Variants in CCDC88A observed in about 807,000 individuals in gnomAD.
CCDC88A encodes coiled-coil and HOOK domain protein 88A.
CCDC88A carries 54 observed loss-of-function variants against 234.3 expected under a neutral mutation model. The observed-to-expected ratio is 0.23, with a 90% CI of 0.19 to 0.29. CCDC88A has a LOEUF of 0.29. Among genes scored for constraint, CCDC88A ranks in the 10% least tolerant of loss-of-function variants. The pLI is 1.00. For missense variants in CCDC88A, 1,832 were observed against 2,123.4 expected (o/e 0.86, Z 2.70); for synonymous variants, 753 against 737.8 (o/e 1.02, Z -0.33).
chr2:55,350,757 T>G (rs934886802), intron 8 of CCDC88A: 4 of 152,284 alleles, frequency 2.6e-5, no homozygotes, highest in African/African-American at 7.2e-5. Flanking sequence ...ACTCCTGGAC[T>G]CAAGTGATCC....
chr2:55,347,405 G>C (rs73938301), intron 9 of CCDC88A, among the ~76,000 whole-genome samples: 7,375 of 152,092 alleles, frequency 0.048, 314 homozygotes, highest in African/African-American at 0.12. Flanking sequence ...GCAGAGTAAA[G>C]TTTTCCAGAG....
At chr2:55,410,649 C>G (rs1680312138) in intron 2 of CCDC88A, among the ~76,000 whole-genome samples, 1 of 152,040 alleles carries the variant, frequency 6.6e-6, no homozygotes. Flanking sequence ...CTTTGGGAGG[C>G]TGAGGTGGTG....
At chr2:55,416,982 A>G (rs1292615786) in intron 2 of CCDC88A, 1 of 152,032 alleles carries the variant, frequency 6.6e-6, no homozygotes, top group Admixed American at 6.6e-5. Context: ...AAAAATCTAA[A>G]GAAACTGAGA....
intron 2 of CCDC88A, among the ~76,000 whole-genome samples, chr2:55,416,129 C>CA (rs1376502996): frequency 6.6e-6 from 1 of 151,738 alleles, no homozygotes; most frequent in Non-Finnish European, 1.5e-5. Context: ...AACTGTATTC[C>CA]ATATGTTCAA....
In CCDC88A at chr2:55,332,545, C is replaced by T. The variant is rs1685048589; in HGVS notation, c.2855+21G>A. 2 of 1,586,044 alleles carry T rather than the reference C, an allele frequency of 1.3e-6. No homozygotes were observed. Among genetic ancestry groups the T allele is most frequent in the Non-Finnish European group, 1.7e-6 (2 of 1,169,912 alleles). ...AAAAAAAAAAATTTTCAACTGTTTG[C>T]CAAGTAGACTTAGTACTCACCTGTC... On this transcript the variant is annotated intron_variant, in intron 16 of 32. Transcript: ENST00000436346. The surrounding 1 kb of genome is among the most constrained non-coding windows in gnomAD (Gnocchi z 4.5).
chr2:55,379,605 GT>G (rs1674246726), intron 3 of CCDC88A, among the ~76,000 whole-genome samples: 1 of 152,190 alleles, frequency 6.6e-6, no homozygotes, highest in Admixed American at 6.5e-5. Flanking sequence ...ACAAGTAAGT[GT>G]TTTTGGTGAT....
At chr2:55,311,496 T>A (rs1682349564) in intron 23 of CCDC88A, among the ~76,000 whole-genome samples, 1 of 152,200 alleles carries the variant, frequency 6.6e-6, no homozygotes, top group South Asian at 2.1e-4. Context: ...TACTACTTCA[T>A]GCACTCCTTG....
At chr2:55,293,171 G>C (rs1183405684) in intron 31 of CCDC88A, among the ~76,000 whole-genome samples, 1 of 152,042 alleles carries the variant, frequency 6.6e-6, no homozygotes, top group African/African-American at 2.4e-5. Flanking sequence ...ATATTTTGAA[G>C]TGTTATGGTC....
intron 2 of CCDC88A, among the ~76,000 whole-genome samples, chr2:55,414,014 C>T (rs1574532167): frequency 6.6e-6 from 1 of 151,702 alleles, no homozygotes; most frequent in African/African-American, 2.4e-5. Context: ...GGGCAGATGA[C>T]TTCTGAAGTC....
intron 17 of CCDC88A, among the ~76,000 whole-genome samples, chr2:55,325,881 AG>A (rs1296929055): frequency 6.6e-6 from 1 of 152,222 alleles, no homozygotes; most frequent in African/African-American, 2.4e-5. Flanking sequence ...TGAACTACTT[AG>A]CTCTGATGCT....
chr2:55,365,100 A>G (rs551241369), intron 5 of CCDC88A, among the ~76,000 whole-genome samples: 16 of 152,170 alleles, frequency 1.1e-4, no homozygotes, highest in Non-Finnish European at 2.2e-4. Flanking sequence ...ATCAATGCAG[A>G]AAGTTCTATA....
At position 55,334,443 on chromosome 2, in the gene CCDC88A, T is replaced by C; in HGVS notation, c.2378A>G (p.Asn793Ser). ...ESELQDLEME[N>S]QTLQKNLEEL... The stretch of plus-strand genomic sequence containing the variant: ...TTCTAGGTTTTTCTGCAATGTTTGA[T>C]TTTCCATCTCTAAGTCTTGTAGTTC... The change falls in exon 15 of 33, where the codon AAT becomes AGT. Residue 793 changes from asparagine to serine, a missense_variant. This residue lies in a region of CCDC88A where 1,282 missense variants were observed against 1,543.6 expected (regional missense o/e 0.83). Coordinates refer to ENST00000436346, the MANE Select transcript of CCDC88A (RefSeq NM_001365480.1). This position sits in a 1 kb window ranked among gnomAD's most constrained non-coding sequence, Gnocchi z 6.1. 6.3e-7 allele frequency: 1 copy of C among 1,584,104 alleles called. No individual in the cohort carries two copies. The highest frequency in any genetic ancestry group is 8.5e-7 in the Non-Finnish European group (1 of 1,171,984).
intron 2 of CCDC88A, among the ~76,000 whole-genome samples, chr2:55,397,604 T>C (rs955131643): frequency 6.6e-6 from 1 of 152,074 alleles, no homozygotes; most frequent in Non-Finnish European, 1.5e-5. Context: ...AGTAATATCA[T>C]TATTTTAATA....
At chr2:55,408,063 A>G (rs2104972082) in intron 2 of CCDC88A, among the ~76,000 whole-genome samples, 1 of 152,124 alleles carries the variant, frequency 6.6e-6, no homozygotes, top group East Asian at 1.9e-4. Flanking sequence ...CTAGTGTTAA[A>G]TCAAGAGATC....
chr2:55,332,645 C>T lies in CCDC88A; in HGVS notation c.2776G>A (p.Glu926Lys), dbSNP rs771833685. 27 of 1,600,714 alleles carry T rather than the reference C, an allele frequency of 1.7e-5. No homozygotes were observed. Among genetic ancestry groups the T allele is most frequent in the Admixed American group, 1.7e-4 (10 of 59,604 alleles). Residue 926 changes from glutamate to lysine, a missense_variant, in exon 16 of 33, where the codon GAA (glutamate) becomes AAA (lysine). Glu to Lys is a moderately conservative substitution (Grantham distance 56). Coordinates refer to ENST00000436346, the MANE Select transcript of CCDC88A (RefSeq NM_001365480.1). This position sits in a 1 kb window ranked among gnomAD's most constrained non-coding sequence, Gnocchi z 4.5. Reference sequence around the variant, plus strand: ...TTCTCAAGCTCATGAGTTAATTTTTCGAGATCATTGTTCATCTGTTGGGTC... The same window carrying T: ...TTCTCAAGCTCATGAGTTAATTTTTTGAGATCATTGTTCATCTGTTGGGTC... ...LKTQQMNNDL[E>K]KLTHELEKIG... is the part of the protein sequence containing the mutation.
chr2:55,321,936 A>C (rs200250225), intron 18 of CCDC88A, among the ~76,000 whole-genome samples: 1 of 144,030 alleles, frequency 6.9e-6, no homozygotes, highest in Non-Finnish European at 1.5e-5. Flanking sequence ...AAAAAAAAAA[A>C]CCACCACCAC....
chr2:55,415,794 G>C lies in CCDC88A; in HGVS notation c.164+3022C>G, dbSNP rs143533733. 3.6e-3 allele frequency among the ~76,000 whole-genome samples: 541 copies of C among 152,268 alleles called. 3 individuals carry two copies. Among genetic ancestry groups the C allele is most frequent in the African/African-American group, 0.013 (520 of 41,556 alleles). ...AAGTAGGTCCTGTTTCCACCAGCTG[G>C]AGTATTCAGAGGGGTTTTGCCTCAA... On this transcript the variant is annotated intron_variant, in intron 2 of 32. Transcript: ENST00000436346.
chr2:55,417,261 T>C (rs1397260327), intron 2 of CCDC88A: 3 of 151,992 alleles, frequency 2.0e-5, no homozygotes, highest in Admixed American at 1.3e-4. Context: ...ACTAAAGTAA[T>C]ATATTTCCCT....
chr2:55,310,010 C>T (rs530951218), intron 23 of CCDC88A, among the ~76,000 whole-genome samples: 50 of 151,936 alleles, frequency 3.3e-4, no homozygotes, highest in African/African-American at 1.1e-3. Flanking sequence ...TCTTAGATCA[C>T]GAAATAAAGC....
Sources: allele counts gnomAD v4.1 joint callset (sites outside exome capture counted in the v4.1 genomes callset), GRCh38; gene constraint gnomAD v4.1.1; regional missense constraint gnomAD v4.1.1; non-coding constraint Gnocchi (gnomAD v3.1); transcripts MANE v1.5; gene names NCBI Gene and HGNC (gene_info 2026-07-23, HGNC 2026-07-21).